STK39: variants seen among roughly 807,000 people sequenced by gnomAD.
STK39 encodes serine/threonine kinase 39.
Under a neutral mutation model 77.8 loss-of-function variants are expected in STK39, and 20 were observed. The ratio of observed to expected loss-of-function variants is 0.26; its 90% CI spans 0.18 to 0.37. The LOEUF (loss-of-function observed/expected upper bound fraction) is 0.37. Among genes scored for constraint, STK39 ranks in the 10% least tolerant of loss-of-function variants. STK39 has a pLI of 1.00. For missense variants in STK39, 479 were observed against 656.5 expected (o/e 0.73, Z 2.95); for synonymous variants, 246 against 234.1 (o/e 1.05, Z -0.47).
At chr2:168,115,742 G>T (rs1189266669) in intron 10 of STK39, among the ~76,000 whole-genome samples, 1 of 152,148 alleles carries the variant, frequency 6.6e-6, no homozygotes, top group African/African-American at 2.4e-5. Flanking sequence ...CTGGAGAAAT[G>T]ACTCTTTGAG....
intron 10 of STK39, among the ~76,000 whole-genome samples, chr2:168,127,602 T>C (rs1030453874): frequency 3.9e-5 from 6 of 152,224 alleles, no homozygotes; most frequent in African/African-American, 1.4e-4. Flanking sequence ...AGACTGGAAG[T>C]TGAAATAGTG....
chr2:168,117,881 T>G (rs1687299042), intron 10 of STK39, among the ~76,000 whole-genome samples: 2 of 152,124 alleles, frequency 1.3e-5, no homozygotes, highest in South Asian at 4.1e-4. Context: ...ATCCTATTAA[T>G]GACAAGAAGC....
intron 10 of STK39, among the ~76,000 whole-genome samples, chr2:168,095,531 T>C (rs138408382): frequency 3.8e-4 from 58 of 151,738 alleles, no homozygotes; most frequent in African/African-American, 1.0e-3. Flanking sequence ...AATTGTGGCA[T>C]TGAAGGGGAA....
rs535207705 is a variant in STK39 at position 168,226,547 on chromosome 2, T to C, written c.208+20681A>G. Among the ~76,000 whole-genome samples the C allele has an allele frequency of 2.6e-5, 4 of 152,374 alleles. No individual in the cohort carries two copies. In the East Asian group the frequency reaches 7.7e-4, roughly 29 times the overall value. On this transcript the variant is annotated intron_variant, in intron 1 of 17. Transcript: ENST00000355999. The stretch of plus-strand genomic sequence containing the variant: ...TCATCACACTTCATTTTTTAGACCA[T>C]AAGTGATGCAACTTTCATTCCCTAA...
At chr2:168,178,481 T>C (rs1265996485) in intron 2 of STK39, among the ~76,000 whole-genome samples, 3 of 152,224 alleles carry the variant, frequency 2.0e-5, no homozygotes, top group Non-Finnish European at 4.4e-5. Flanking sequence ...AATGAATTTT[T>C]AGTGGGCATA....
At chr2:167,981,636 C>T (rs1253618368) in intron 16 of STK39, among the ~76,000 whole-genome samples, 1 of 152,132 alleles carries the variant, frequency 6.6e-6, no homozygotes, top group Non-Finnish European at 1.5e-5. Flanking sequence ...TAACATTTGT[C>T]TTGTATTTTA....
chr2:168,006,026 C>CA (rs1684124249), intron 16 of STK39, among the ~76,000 whole-genome samples: 1 of 152,172 alleles, frequency 6.6e-6, no homozygotes. Context: ...TGCAGGCACC[C>CA]AGCTCCCTTC....
At chr2:168,098,469 T>A (rs6728405) in intron 10 of STK39, among the ~76,000 whole-genome samples, 61,791 of 152,028 alleles carry the variant, frequency 0.41, 12,966 homozygotes, top group East Asian at 0.53. Flanking sequence ...TGATCAGTTA[T>A]TGCACCACGT....
intron 1 of STK39, among the ~76,000 whole-genome samples, chr2:168,193,357 A>T (rs1459059425): frequency 4.6e-5 from 7 of 152,270 alleles, no homozygotes; most frequent in Admixed American, 4.6e-4. Context: ...ATAGTCTGAA[A>T]TGATGGCAGA....
intron 14 of STK39, among the ~76,000 whole-genome samples, chr2:168,040,405 T>A (rs2105351156): frequency 6.6e-6 from 1 of 152,308 alleles, no homozygotes; most frequent in East Asian, 1.9e-4. Context: ...AAAAATTAGG[T>A]AGCTCTTGCC....
At chr2:168,208,783 T>G (rs1308758444) in intron 1 of STK39, among the ~76,000 whole-genome samples, 5 of 152,232 alleles carry the variant, frequency 3.3e-5, no homozygotes, top group African/African-American at 1.2e-4. Flanking sequence ...GGGAAGCCCC[T>G]GAGCAGTGCT....
chr2:168,181,958 T>G lies in STK39; in HGVS notation c.321+20A>C. ...GATTAAGAAAAGCAACCAGCAGGTA[T>G]TCCCTGCACTGTTACTTACTAATAG... On this transcript the variant is annotated intron_variant, in intron 2 of 17. Coordinates refer to ENST00000355999, the MANE Select transcript of STK39 (RefSeq NM_013233.3). 1.3e-6 allele frequency: 2 copies of G among 1,587,988 alleles called. No individual in the cohort carries two copies. The highest frequency in any genetic ancestry group is 2.7e-5 in the African/African-American group (2 of 74,550).
intron 1 of STK39, among the ~76,000 whole-genome samples, chr2:168,183,599 C>T (rs2105634473): frequency 6.6e-6 from 1 of 152,302 alleles, no homozygotes; most frequent in East Asian, 1.9e-4. Context: ...AACTTTCTTC[C>T]ATCCTATATG....
intron 1 of STK39, among the ~76,000 whole-genome samples, chr2:168,200,377 A>C (rs954308650): frequency 6.6e-6 from 1 of 152,156 alleles, no homozygotes; most frequent in East Asian, 1.9e-4. Flanking sequence ...TTAAAATTGA[A>C]ACTTAAGCTG....
intron 14 of STK39, among the ~76,000 whole-genome samples, chr2:168,055,306 A>G (rs979223962): frequency 6.6e-6 from 1 of 152,258 alleles, no homozygotes; most frequent in Non-Finnish European, 1.5e-5. Context: ...ACAATGGCCA[A>G]CATCGTTTCT....
At chr2:168,131,974 A>G (rs951565141) in intron 8 of STK39, among the ~76,000 whole-genome samples, 1 of 152,188 alleles carries the variant, frequency 6.6e-6, no homozygotes, top group East Asian at 1.9e-4. Flanking sequence ...AGACATAAAT[A>G]ATCCTCCAAC....
At chr2:168,235,710 T>C (rs1323345742) in intron 1 of STK39, among the ~76,000 whole-genome samples, 1 of 150,570 alleles carries the variant, frequency 6.6e-6, no homozygotes, top group Non-Finnish European at 1.5e-5. Context: ...CGGTGTTTGA[T>C]TTTTTGTCCC....
At chr2:168,037,955 G>C (rs1012662171) in intron 14 of STK39, among the ~76,000 whole-genome samples, 4 of 152,080 alleles carry the variant, frequency 2.6e-5, no homozygotes, top group Non-Finnish European at 5.9e-5. Context: ...ACCATCATTT[G>C]AGCAAAAGAC....
intron 1 of STK39, among the ~76,000 whole-genome samples, chr2:168,190,593 G>A (rs1689316012): frequency 6.6e-6 from 1 of 152,112 alleles, no homozygotes; most frequent in Admixed American, 6.5e-5. Context: ...ATATAAACTA[G>A]GGACTTCAAT....
Sources: gnomAD v4.1 joint callset for allele counts (sites outside exome capture counted in the v4.1 genomes callset) on GRCh38, gnomAD v4.1.1 for gene constraint, MANE v1.5 for transcripts, NCBI Gene and HGNC (gene_info 2026-07-23, HGNC 2026-07-21) for gene names.